TSTD2: variants seen among roughly 807,000 people sequenced by gnomAD.
TSTD2 encodes the protein thiosulfate sulfurtransferase like domain containing 2, also known as thiosulfate sulfurtransferase/rhodanese-like domain-containing protein 2.
Under a neutral mutation model 47.9 loss-of-function variants are expected in TSTD2, and 37 were observed. The observed-to-expected ratio is 0.77, with a 90% CI of 0.59 to 1.02. The LOEUF is 1.02. Ranked by LOEUF, TSTD2 falls within the 50% of genes least tolerant of loss-of-function variation. TSTD2 has a pLI of 0.00. For missense variants in TSTD2, 586 were observed against 616.0 expected (o/e 0.95, Z 0.52); for synonymous variants, 201 against 215.9 (o/e 0.93, Z 0.61).
chr9:97,620,670 C>T (rs911447282), intron 3 of TSTD2, among the ~76,000 whole-genome samples: 1 of 152,136 alleles, frequency 6.6e-6, no homozygotes, highest in African/African-American at 2.4e-5. Context: ...TGAGGAACTT[C>T]TTGGGAACTG....
At chr9:97,606,342 C>T (rs543503631) in intron 6 of TSTD2, 81 bp from the exon 7 acceptor site, 13 of 771,406 alleles carry the variant, frequency 1.7e-5, no homozygotes, top group South Asian at 1.5e-4. Context: ...GCCTGACTTA[C>T]GTGTTGCTTT....
At chr9:97,629,294 T>C (rs1015096290) in intron 1 of TSTD2, among the ~76,000 whole-genome samples, 1 of 152,206 alleles carries the variant, frequency 6.6e-6, no homozygotes, top group Non-Finnish European at 1.5e-5. Context: ...TTAACAATGC[T>C]GGATAGGACT....
intron 1 of TSTD2, among the ~76,000 whole-genome samples, chr9:97,629,836 A>T (rs1826781373): frequency 6.6e-6 from 1 of 152,016 alleles, no homozygotes; most frequent in Non-Finnish European, 1.5e-5. Context: ...TAACTTATTT[A>T]CCTATAAGGG....
intron 3 of TSTD2, among the ~76,000 whole-genome samples, chr9:97,618,580 T>C (rs780853352): frequency 3.9e-5 from 6 of 152,212 alleles, no homozygotes; most frequent in Non-Finnish European, 8.8e-5. Context: ...AGCATCTCCC[T>C]CCTTAAGAAT....
At chr9:97,630,676 TGAGA>T (rs1338297769) in intron 1 of TSTD2, among the ~76,000 whole-genome samples, 1 of 152,164 alleles carries the variant, frequency 6.6e-6, no homozygotes, top group African/African-American at 2.4e-5. Flanking sequence ...TCAAAATAAT[TGAGA>T]GAGAGGAGGT....
At chr9:97,611,816 A>G (rs557171588) in intron 4 of TSTD2, 117 bp from the exon 5 acceptor site, 27 of 1,006,616 alleles carry the variant, frequency 2.7e-5, no homozygotes, top group Non-Finnish European at 3.6e-5. Context: ...AGAGACGCTG[A>G]TGAGGACACC....
chr9:97,614,126 C>T (rs775273811), intron 4 of TSTD2, among the ~76,000 whole-genome samples: 2 of 152,160 alleles, frequency 1.3e-5, no homozygotes, highest in Non-Finnish European at 2.9e-5. Flanking sequence ...TCGCACCCAG[C>T]CCTACCTGAT....
chr9:97,616,847 C>A (rs1453629020), intron 4 of TSTD2, among the ~76,000 whole-genome samples: 4 of 152,126 alleles, frequency 2.6e-5, no homozygotes, highest in African/African-American at 9.7e-5. Context: ...AAAATAAAAA[C>A]CATCGATAAT....
chr9:97,624,821 C>G (rs1826694049), intron 3 of TSTD2, among the ~76,000 whole-genome samples: 1 of 152,012 alleles, frequency 6.6e-6, no homozygotes, highest in South Asian at 2.1e-4. Context: ...TAAAAATTCC[C>G]TATGTGCAAT....
chr9:97,631,577 A>T (rs1826813134), intron 1 of TSTD2, among the ~76,000 whole-genome samples: 1 of 152,188 alleles, frequency 6.6e-6, no homozygotes. Flanking sequence ...TAAAAAAATA[A>T]GTCAGACTGG....
Position 97,600,993 on chromosome 9 carries a change from A to G in TSTD2, c.*1476T>C, listed in dbSNP as rs1351277302. 6.4e-6 allele frequency: 8 copies of G among 1,252,028 alleles called. No individual in the cohort carries two copies. In the African/African-American group the frequency reaches 1.2e-4, roughly 20 times the overall value. 77.6% of individuals were successfully genotyped at this position (1,252,028 alleles called of 1,614,324 possible). ...TAAAGGACAAGGTCAAGAACTCCAG[A>G]GCACTGAGCAGAGAGGCTGGTGATG... On this transcript the variant is annotated 3_prime_UTR_variant, in exon 10 of 10. Coordinates refer to ENST00000341170, the MANE Select transcript of TSTD2 (RefSeq NM_139246.5).
rs1826276809 is a variant in TSTD2, at chr9:97,602,413, A to G, written c.*56T>C. 6.6e-7 allele frequency: 1 copy of G among 1,514,960 alleles called. No individual in the cohort carries two copies. The highest frequency in any genetic ancestry group is 8.9e-7 in the Non-Finnish European group (1 of 1,129,750). 93.8% of individuals were successfully genotyped at this position (1,514,960 alleles called of 1,614,324 possible). The stretch of plus-strand genomic sequence containing the variant: ...TGCAGTCTTGCCATGCTTTCTCTGT[A>G]TAGTCACCCCAAACCTACTTTTACC... On this transcript the variant is annotated 3_prime_UTR_variant, in exon 10 of 10. Transcript: ENST00000341170.
chr9:97,610,151 C>T lies in TSTD2; in HGVS notation c.835+195G>A, dbSNP rs1251355190. Reference sequence around the variant, plus strand: ...ACCAAGAGGAATAAGATAGGTCACTCGAAGAGGTGAGTCTTCAACCCCACA... The same window carrying T: ...ACCAAGAGGAATAAGATAGGTCACTTGAAGAGGTGAGTCTTCAACCCCACA... On this transcript the variant is annotated intron_variant, in intron 6 of 9. Coordinates refer to ENST00000341170, the MANE Select transcript of TSTD2 (RefSeq NM_139246.5). 16 of 437,004 alleles carry T rather than the reference C, an allele frequency of 3.7e-5. No individual in the cohort carries two copies. The East Asian group carries it at 5.3e-4, about 14-fold the overall frequency. 27.1% of individuals were successfully genotyped at this position (437,004 alleles called of 1,614,324 possible).
Position 97,600,130 on chromosome 9 carries a change from A to G in TSTD2, c.*2339T>C. 1.0e-6 allele frequency: 1 copy of G among 1,004,772 alleles called. No homozygotes were observed. The highest frequency in any genetic ancestry group is 1.2e-6 in the Non-Finnish European group (1 of 839,606). 62.2% of individuals were successfully genotyped at this position (1,004,772 alleles called of 1,614,324 possible). ...TTATTACAAATTTGTCTTAGCTATT[A>G]GCAAATAAAACTGATTATCATTCTT... On this transcript the variant is annotated 3_prime_UTR_variant, in exon 10 of 10. Coordinates refer to ENST00000341170, the MANE Select transcript of TSTD2 (RefSeq NM_139246.5).
Position 97,627,599 on chromosome 9 carries a change from C to T in TSTD2, c.-37G>A. The stretch of plus-strand genomic sequence containing the variant: ...GCAACAGTGAAGCAGATATTCCTTT[C>T]AGTTAAATACCTCCTAGAATATAAA... On this transcript the variant is annotated 5_prime_UTR_variant, in exon 2 of 10. Coordinates refer to ENST00000341170, the MANE Select transcript of TSTD2 (RefSeq NM_139246.5). 3 of 1,520,744 alleles carry T rather than the reference C, an allele frequency of 2.0e-6. No homozygotes were observed. The Admixed American group carries it at 6.2e-5, about 31-fold the overall frequency. The allele number at this position is 1,520,744 out of a possible 1,614,324, so 94.2% of individuals were successfully genotyped here.
At chr9:97,614,729 G>T (rs1400694313) in intron 4 of TSTD2, among the ~76,000 whole-genome samples, 1 of 152,174 alleles carries the variant, frequency 6.6e-6, no homozygotes, top group Admixed American at 6.5e-5. Context: ...ACCCTGGCAG[G>T]TTCTAGAAAA....
At chr9:97,633,005 G>T (rs959621508) in intron 1 of TSTD2, among the ~76,000 whole-genome samples, 1 of 152,250 alleles carries the variant, frequency 6.6e-6, no homozygotes, top group Non-Finnish European at 1.5e-5. Context: ...CTTGAAAACA[G>T]ATTACTAAAA....
At chr9:97,615,974 A>G (rs1564008332) in intron 4 of TSTD2, among the ~76,000 whole-genome samples, 2 of 152,222 alleles carry the variant, frequency 1.3e-5, no homozygotes, top group Non-Finnish European at 2.9e-5. Flanking sequence ...ACAGATATTA[A>G]AATAAAAGTT....
At chr9:97,603,032 TG>T (rs1826295368) in intron 9 of TSTD2, 1 of 366,374 alleles carries the variant, frequency 2.7e-6, no homozygotes, top group South Asian at 6.7e-5. Context: ...AGAGAACAGG[TG>T]GTAACTAGAT....
Sources: allele counts gnomAD v4.1 joint callset (sites outside exome capture counted in the v4.1 genomes callset), GRCh38; gene constraint gnomAD v4.1.1; transcripts MANE v1.5; gene names NCBI Gene and HGNC (gene_info 2026-07-23, HGNC 2026-07-21).